The following CDK14 variants were observed in gnomAD, a reference collection of about 807,000 sequenced individuals.
CDK14 encodes the protein cyclin-dependent kinase 14.
Under a neutral mutation model 60.7 loss-of-function variants are expected in CDK14, and 34 were observed. The ratio of observed to expected loss-of-function variants is 0.56; its 90% confidence interval spans 0.43 to 0.75. The LOEUF (loss-of-function observed/expected upper bound fraction) is 0.75. CDK14 is among the 30% of genes least tolerant of loss of function. The pLI is 0.00. For synonymous variants in CDK14, 197 were observed against 203.7 expected, an observed-to-expected ratio of 0.97 and a Z score of 0.28; for missense variants, 482 against 564.1, an observed-to-expected ratio of 0.85 and a Z score of 1.47.
At chr7:90,661,931 G>C (rs1800872305) in intron 2 of CDK14, among the ~76,000 whole-genome samples, 1 of 152,172 alleles carries the variant, frequency 6.6e-6, no homozygotes, top group Admixed American at 6.5e-5. Flanking sequence ...AGAACTCCCT[G>C]CATTACAAAA....
At chr7:90,991,716 A>G (rs942345137) in intron 10 of CDK14, among the ~76,000 whole-genome samples, 14 of 152,294 alleles carry the variant, frequency 9.2e-5, no homozygotes, top group Non-Finnish European at 2.1e-4. Context: ...GTAAGAGTCA[A>G]CACAGAAAAC....
intron 6 of CDK14, among the ~76,000 whole-genome samples, chr7:90,891,755 A>G (rs1189192857): frequency 1.3e-5 from 2 of 152,224 alleles, no homozygotes; most frequent in Non-Finnish European, 2.9e-5. Flanking sequence ...CTCCTGAAGA[A>G]CATCGAAATT....
At chr7:91,047,926 A>G (rs1797287017) in intron 11 of CDK14, among the ~76,000 whole-genome samples, 1 of 152,162 alleles carries the variant, frequency 6.6e-6, no homozygotes, top group African/African-American at 2.4e-5. Flanking sequence ...CCTGGGGAAG[A>G]AAATATACAA....
intron 2 of CDK14, among the ~76,000 whole-genome samples, chr7:90,650,600 T>G (rs1378381234): frequency 6.6e-6 from 1 of 152,196 alleles, no homozygotes; most frequent in Non-Finnish European, 1.5e-5. Context: ...GGTCTAACAT[T>G]TAAGTCTTTA....
At chr7:90,833,606 G>A (rs73707901) in intron 5 of CDK14, among the ~76,000 whole-genome samples, 2,083 of 152,328 alleles carry the variant, frequency 0.014, 41 homozygotes, top group African/African-American at 0.046. Context: ...TGAATGAAGA[G>A]TAGTCTAGAT....
At chr7:91,139,919 G>A (rs866371725) in intron 14 of CDK14, among the ~76,000 whole-genome samples, 19 of 148,454 alleles carry the variant, frequency 1.3e-4, no homozygotes, top group Middle Eastern at 3.4e-3. Flanking sequence ...CTTTCAAGAC[G>A]AAGTACAGTT....
chr7:90,873,949 T>C (rs1320742306), intron 6 of CDK14, among the ~76,000 whole-genome samples: 2 of 152,238 alleles, frequency 1.3e-5, no homozygotes, highest in Non-Finnish European at 2.9e-5. Flanking sequence ...TTGATATTTA[T>C]ATTAGCATGT....
intron 14 of CDK14, among the ~76,000 whole-genome samples, chr7:91,183,321 T>G (rs895282188): frequency 6.6e-6 from 1 of 152,172 alleles, no homozygotes; most frequent in East Asian, 1.9e-4. Flanking sequence ...CACTGCAGCT[T>G]AGTGTTTTCA....
chr7:90,966,158 C>T (rs1296057486), intron 9 of CDK14, among the ~76,000 whole-genome samples: 2 of 152,124 alleles, frequency 1.3e-5, no homozygotes, highest in African/African-American at 4.8e-5. Flanking sequence ...TATTGGAACT[C>T]CTTTCTTAAT....
intron 11 of CDK14, among the ~76,000 whole-genome samples, chr7:91,047,373 T>G (rs1466167704): frequency 2.6e-5 from 4 of 152,248 alleles, no homozygotes; most frequent in Non-Finnish European, 4.4e-5. Flanking sequence ...TTGGTGGGAA[T>G]AGAATTTATC....
At position 90,663,093 on chromosome 7, in the gene CDK14, G is replaced by T. The variant is rs547355007; in HGVS notation, c.123+58844G>T. Among the ~76,000 whole-genome samples the T allele has an allele frequency of 2.0e-4, 19 of 95,900 alleles. No individual in the cohort carries two copies. The South Asian group carries it at 5.8e-3, about 29-fold the overall frequency. The allele number at this position is 95,900 out of a possible 152,430, so 62.9% of individuals were successfully genotyped here. ...CTTTGGGGTGATTGGAACTAAGATG[G>T]GAACACACACACACACACACACACA... On this transcript the variant is annotated intron_variant, in intron 2 of 14. Transcript: ENST00000380050.
intron 14 of CDK14, among the ~76,000 whole-genome samples, chr7:91,160,788 T>G (rs963479662): frequency 5.3e-5 from 8 of 152,116 alleles, no homozygotes; most frequent in African/African-American, 1.9e-4. Context: ...ATGTTATGGG[T>G]TTTTCAGAAT....
chr7:91,111,660 T>C (rs1799471313), intron 12 of CDK14, among the ~76,000 whole-genome samples: 2 of 152,170 alleles, frequency 1.3e-5, no homozygotes, highest in Non-Finnish European at 2.9e-5. Context: ...ATTGTTACCT[T>C]CTCAGACTAT....
At chr7:90,920,461 C>T (rs1290635062) in intron 8 of CDK14, among the ~76,000 whole-genome samples, 1 of 152,160 alleles carries the variant, frequency 6.6e-6, no homozygotes, top group East Asian at 1.9e-4. Flanking sequence ...GCTTCATTGT[C>T]TCTTCAAGCT....
At chr7:91,138,951 G>T (rs946932940) in intron 14 of CDK14, among the ~76,000 whole-genome samples, 1 of 152,140 alleles carries the variant, frequency 6.6e-6, no homozygotes, top group East Asian at 1.9e-4. Context: ...TAGTCCATGT[G>T]ATGGAAGCCA....
intron 14 of CDK14, among the ~76,000 whole-genome samples, chr7:91,167,419 G>A (rs1210372803): frequency 1.3e-5 from 2 of 152,214 alleles, no homozygotes. Context: ...TCAACATGAG[G>A]CCATAAGGTA....
At chr7:91,088,569 A>G (rs1043915194) in intron 12 of CDK14, among the ~76,000 whole-genome samples, 43 of 149,624 alleles carry the variant, frequency 2.9e-4, no homozygotes, top group Admixed American at 1.7e-3. Context: ...GTTTATATAT[A>G]TGTGTGTGTG....
chr7:91,052,560 T>C (rs1797422359), intron 11 of CDK14, among the ~76,000 whole-genome samples: 2 of 152,270 alleles, frequency 1.3e-5, no homozygotes, highest in South Asian at 4.1e-4. Flanking sequence ...TATGATACTT[T>C]CATCTCTCAA....
chr7:91,179,377 A>T (rs1801913314), intron 14 of CDK14, among the ~76,000 whole-genome samples: 1 of 147,144 alleles, frequency 6.8e-6, no homozygotes, highest in Non-Finnish European at 1.5e-5. Flanking sequence ...GGGAGGAGGG[A>T]TAGCATCGGG....
Sources: gnomAD v4.1 joint callset for allele counts (sites outside exome capture counted in the v4.1 genomes callset) on GRCh38, gnomAD v4.1.1 for gene constraint, MANE v1.5 for transcripts, NCBI Gene and HGNC (gene_info 2026-07-23, HGNC 2026-07-21) for gene names.